Variants in CNTNAP5 observed in about 807,000 individuals in gnomAD.
CNTNAP5 encodes contactin-associated protein-like 5.
Under a neutral mutation model 150.2 loss-of-function variants are expected in CNTNAP5, and 72 were observed. That is an observed-to-expected ratio of 0.48 (90% CI 0.40 to 0.58). The LOEUF (loss-of-function observed/expected upper bound fraction) is 0.58, where lower values mean the gene tolerates loss of function less well. Among genes scored for constraint, CNTNAP5 ranks in the 20% least tolerant of loss-of-function variants. The probability of loss-of-function intolerance (pLI) is 0.00; values close to 1 mark genes in which losing one functional copy is unlikely to be tolerated. For missense variants in CNTNAP5, 1,636 were observed against 1,626.2 expected, an observed-to-expected ratio of 1.01 and a Z score of -0.10; for synonymous variants, 672 against 619.8, an observed-to-expected ratio of 1.08 and a Z score of -1.25.
chr2:124,319,226 A>G (rs997131315), intron 3 of CNTNAP5, among the ~76,000 whole-genome samples: 1 of 152,212 alleles, frequency 6.6e-6, no homozygotes, highest in Non-Finnish European at 1.5e-5. Context: ...ATTAATTAAC[A>G]TGCTCATTAA....
At chr2:124,508,476 G>A (rs1375842327) in intron 8 of CNTNAP5, among the ~76,000 whole-genome samples, 1 of 152,174 alleles carries the variant, frequency 6.6e-6, no homozygotes, top group Admixed American at 6.5e-5. Context: ...CAAAAATGAA[G>A]TTTTAATACA....
chr2:124,471,213 T>C (rs754008170), intron 6 of CNTNAP5, among the ~76,000 whole-genome samples: 1 of 152,180 alleles, frequency 6.6e-6, no homozygotes, highest in Admixed American at 6.5e-5. Flanking sequence ...ACATGGAATG[T>C]TTTTCCATTT....
intron 19 of CNTNAP5, among the ~76,000 whole-genome samples, chr2:124,801,736 A>G (rs1435606688): frequency 2.0e-5 from 3 of 152,196 alleles, no homozygotes; most frequent in African/African-American, 7.2e-5. Context: ...TTGTTCTATT[A>G]GGCCATTGAC....
chr2:124,776,621 AT>A (rs937549191), intron 17 of CNTNAP5, among the ~76,000 whole-genome samples: 2 of 152,150 alleles, frequency 1.3e-5, no homozygotes, highest in Non-Finnish European at 2.9e-5. Flanking sequence ...AGTAACTTAT[AT>A]TTTATGCTTG....
At chr2:124,081,636 T>A (rs1434306185) in intron 1 of CNTNAP5, among the ~76,000 whole-genome samples, 1 of 152,212 alleles carries the variant, frequency 6.6e-6, no homozygotes, top group Non-Finnish European at 1.5e-5. Context: ...ATTATCTTTG[T>A]GTTTCTTTGA....
intron 7 of CNTNAP5, among the ~76,000 whole-genome samples, chr2:124,502,305 A>G (rs1024689192): frequency 6.6e-6 from 1 of 152,144 alleles, no homozygotes; most frequent in Admixed American, 6.5e-5. Flanking sequence ...GTCAGATGTG[A>G]GCAAACTGAT....
At chr2:124,853,657 T>C (rs1446302558) in intron 19 of CNTNAP5, among the ~76,000 whole-genome samples, 2 of 152,210 alleles carry the variant, frequency 1.3e-5, no homozygotes, top group African/African-American at 2.4e-5. Context: ...CCACGCATTT[T>C]TTTTAACTTT....
chr2:124,087,121 A>C (rs985390853), intron 1 of CNTNAP5, among the ~76,000 whole-genome samples: 1 of 151,700 alleles, frequency 6.6e-6, no homozygotes, highest in Non-Finnish European at 1.5e-5. Flanking sequence ...TTGGTCATAT[A>C]ATTGTTTTAA....
rs530262105 is a variant in CNTNAP5, at chr2:124,326,049, A to G, written c.381+83656A>G. 3.3e-5 allele frequency among the ~76,000 whole-genome samples: 5 copies of G among 152,166 alleles called. No individual in the cohort carries two copies. In the South Asian group the frequency reaches 1.0e-3, roughly 32 times the overall value. On this transcript the variant is annotated intron_variant, in intron 3 of 23. Coordinates refer to ENST00000682447, the MANE Select transcript of CNTNAP5 (RefSeq NM_001367498.1). ...AGTATAAGGAGGATAAATGAAGATA[A>G]CAAATAAGTAATACATAGGATTAAA...
intron 5 of CNTNAP5, among the ~76,000 whole-genome samples, chr2:124,446,027 AG>A (rs1387011687): frequency 5.3e-5 from 8 of 152,024 alleles, no homozygotes; most frequent in African/African-American, 1.9e-4. Context: ...GTCTTCTCAA[AG>A]GGGTCTTCCA....
At chr2:124,026,006 G>A (rs961281239) in intron 1 of CNTNAP5, among the ~76,000 whole-genome samples, 2 of 152,154 alleles carry the variant, frequency 1.3e-5, no homozygotes, top group African/African-American at 4.8e-5. Context: ...CTAGCTCCGC[G>A]TTCCATGCCT....
chr2:124,232,173 G>A (rs1256944078), intron 2 of CNTNAP5, among the ~76,000 whole-genome samples: 3 of 152,070 alleles, frequency 2.0e-5, no homozygotes, highest in Admixed American at 6.6e-5. Context: ...TTAAAGCATT[G>A]CAACAAAACT....
chr2:124,785,368 T>C (rs1430574809), intron 17 of CNTNAP5, among the ~76,000 whole-genome samples: 1 of 152,186 alleles, frequency 6.6e-6, no homozygotes, highest in Non-Finnish European at 1.5e-5. Flanking sequence ...TGTTCTGATT[T>C]TTCAATGAGG....
chr2:124,442,648 A>G (rs1054466516), intron 5 of CNTNAP5, among the ~76,000 whole-genome samples: 3 of 152,174 alleles, frequency 2.0e-5, no homozygotes, highest in Non-Finnish European at 4.4e-5. Context: ...CAAATCCAGA[A>G]GCTATAAAAG....
intron 3 of CNTNAP5, among the ~76,000 whole-genome samples, chr2:124,249,746 T>C (rs986488191): frequency 6.6e-6 from 1 of 152,196 alleles, no homozygotes; most frequent in Non-Finnish European, 1.5e-5. Context: ...CAATCACTCA[T>C]ATTTGGCTCA....
intron 3 of CNTNAP5, among the ~76,000 whole-genome samples, chr2:124,347,667 A>C (rs1689773606): frequency 6.6e-6 from 1 of 152,158 alleles, no homozygotes; most frequent in African/African-American, 2.4e-5. Flanking sequence ...TTTCTATTTA[A>C]TATGACACTT....
At chr2:124,205,693 T>C (rs2104716593) in intron 1 of CNTNAP5, among the ~76,000 whole-genome samples, 1 of 152,324 alleles carries the variant, frequency 6.6e-6, no homozygotes, top group South Asian at 2.1e-4. Flanking sequence ...TAAGCCACCA[T>C]ACCCGGCCAA....
At chr2:124,032,591 AT>A (rs781543051) in intron 1 of CNTNAP5, among the ~76,000 whole-genome samples, 3 of 152,164 alleles carry the variant, frequency 2.0e-5, no homozygotes, top group Non-Finnish European at 2.9e-5. Flanking sequence ...GGAAAAAAAA[AT>A]AATGGCCAAG....
intron 11 of CNTNAP5, among the ~76,000 whole-genome samples, chr2:124,591,399 G>A (rs1696679405): frequency 6.6e-6 from 1 of 152,070 alleles, no homozygotes; most frequent in South Asian, 2.1e-4. Context: ...CAAAGATATT[G>A]CCATACAATT....
Sources: gnomAD v4.1 joint callset for allele counts (sites outside exome capture counted in the v4.1 genomes callset) on GRCh38, gnomAD v4.1.1 for gene constraint, MANE v1.5 for transcripts, NCBI Gene and HGNC (gene_info 2026-07-23, HGNC 2026-07-21) for gene names.